Variants in EYS observed in about 807,000 individuals in gnomAD.
EYS encodes protein eyes shut homolog.
Under a neutral mutation model 282.1 loss-of-function variants are expected in EYS, and 250 were observed. The ratio of observed to expected loss-of-function variants is 0.89; its 90% confidence interval spans 0.80 to 0.98. The LOEUF is 0.98. Ranked by LOEUF, EYS falls within the 50% of genes least tolerant of loss-of-function variation. EYS has a pLI of 0.00. For synonymous variants in EYS, 1,355 were observed against 1,282.9 expected, an observed-to-expected ratio of 1.06 and a Z score of -1.20; for missense variants, 4,016 against 3,709.0, an observed-to-expected ratio of 1.08 and a Z score of -2.15.
At chr6:64,972,600 C>A (rs1770332832) in intron 14 of EYS, among the ~76,000 whole-genome samples, 2 of 152,172 alleles carry the variant, frequency 1.3e-5, no homozygotes, top group Middle Eastern at 3.4e-3. Flanking sequence ...GATATATTTT[C>A]TCTTCCTTAT....
chr6:65,426,499 A>C (rs1767669667), intron 5 of EYS, among the ~76,000 whole-genome samples: 1 of 152,154 alleles, frequency 6.6e-6, no homozygotes, highest in South Asian at 2.1e-4. Flanking sequence ...CAATGTGGTA[A>C]AATGTCTGCT....
intron 31 of EYS, among the ~76,000 whole-genome samples, chr6:64,097,180 A>G (rs774414629): frequency 5.3e-5 from 8 of 152,108 alleles, no homozygotes; most frequent in Admixed American, 1.3e-4. Flanking sequence ...GTGCCTCCCA[A>G]TTAGGCTACT....
chr6:63,964,430 C>T (rs1190223770), intron 35 of EYS, among the ~76,000 whole-genome samples: 1 of 152,178 alleles, frequency 6.6e-6, no homozygotes, highest in African/African-American at 2.4e-5. Context: ...AAATCACTTG[C>T]TGATTTCCCT....
chr6:64,659,281 C>T (rs1000971285), intron 22 of EYS, among the ~76,000 whole-genome samples: 1 of 152,014 alleles, frequency 6.6e-6, no homozygotes, highest in South Asian at 2.1e-4. Context: ...CAAGAGAAAG[C>T]AGGAAAGATT....
chr6:65,199,646 T>C (rs1342865814), intron 12 of EYS, among the ~76,000 whole-genome samples: 1 of 152,182 alleles, frequency 6.6e-6, no homozygotes, highest in East Asian at 1.9e-4. Flanking sequence ...AACATTATTC[T>C]GTTCAAGAAA....
intron 12 of EYS, among the ~76,000 whole-genome samples, chr6:65,109,673 A>G (rs1775155180): frequency 6.7e-6 from 1 of 149,670 alleles, no homozygotes; most frequent in Non-Finnish European, 1.5e-5. Flanking sequence ...AAAAAAAAAC[A>G]CCTTTTTTTC....
intron 19 of EYS, among the ~76,000 whole-genome samples, chr6:64,861,608 C>A (rs1407238339): frequency 7.9e-5 from 12 of 152,182 alleles, no homozygotes; most frequent in Non-Finnish European, 1.8e-4. Context: ...ACCCTGCCAT[C>A]TCAGAAAAGG....
chr6:65,148,090 C>A (rs112746531), intron 12 of EYS, among the ~76,000 whole-genome samples: 2 of 152,150 alleles, frequency 1.3e-5, no homozygotes, highest in Non-Finnish European at 2.9e-5. Flanking sequence ...CATGTCATTC[C>A]ACCCCCAGCC....
intron 33 of EYS, among the ~76,000 whole-genome samples, chr6:64,013,185 C>T (rs1344089427): frequency 6.6e-6 from 1 of 152,136 alleles, no homozygotes; most frequent in Non-Finnish European, 1.5e-5. Flanking sequence ...TTAAACAGAG[C>T]AGTCGTCAAG....
chr6:65,123,754 C>CA (rs1554157066), intron 12 of EYS, among the ~76,000 whole-genome samples: 83 of 86,946 alleles, frequency 9.5e-4, no homozygotes, highest in African/African-American at 2.8e-3. Flanking sequence ...TAACACCCAC[C>CA]CACCCACACA....
chr6:64,495,414 G>A (rs149001652), intron 26 of EYS, among the ~76,000 whole-genome samples: 16 of 151,928 alleles, frequency 1.1e-4, no homozygotes, highest in African/African-American at 3.9e-4. Context: ...TCAATAGCCA[G>A]GAAAGTTGGT....
chr6:64,547,450 G>T (rs1238585105), intron 26 of EYS, among the ~76,000 whole-genome samples: 3 of 152,112 alleles, frequency 2.0e-5, no homozygotes, highest in Non-Finnish European at 4.4e-5. Context: ...ACAGAGTGTT[G>T]ACGCAAAGGT....
chr6:64,090,949 T>G (rs1772337034), intron 31 of EYS, among the ~76,000 whole-genome samples: 1 of 152,120 alleles, frequency 6.6e-6, no homozygotes. Context: ...AAATTTGAAT[T>G]TATTCTGTTT....
chr6:64,327,620 C>T (rs111929323), intron 29 of EYS, among the ~76,000 whole-genome samples: 2,015 of 152,206 alleles, frequency 0.013, 44 homozygotes, highest in African/African-American at 0.046. Context: ...CAAAACCACC[C>T]TAAGTGGCTG....
chr6:64,846,846 G>C (rs1765731359), intron 19 of EYS, among the ~76,000 whole-genome samples: 1 of 152,008 alleles, frequency 6.6e-6, no homozygotes, highest in Non-Finnish European at 1.5e-5. Context: ...TACTCAAAAA[G>C]TAAAATAAGG....
chr6:65,190,694 T>C (rs1217247496), intron 12 of EYS, among the ~76,000 whole-genome samples: 1 of 151,776 alleles, frequency 6.6e-6, no homozygotes, highest in Non-Finnish European at 1.5e-5. Context: ...CTAGTGTGTT[T>C]GTTAGAGCTT....
At chr6:64,390,905 T>C (rs2150427102) in intron 28 of EYS, among the ~76,000 whole-genome samples, 1 of 147,172 alleles carries the variant, frequency 6.8e-6, no homozygotes, top group East Asian at 2.0e-4. Context: ...ATAACTAGAA[T>C]AACCAATACA....
chr6:64,763,006 A>T (rs1773210583), intron 22 of EYS, among the ~76,000 whole-genome samples: 1 of 152,228 alleles, frequency 6.6e-6, no homozygotes, highest in Non-Finnish European at 1.5e-5. Context: ...CTGTAAAACC[A>T]AACTTTCTGA....
At chr6:64,705,734 A>C (rs1179658430) in intron 22 of EYS, among the ~76,000 whole-genome samples, 1 of 149,950 alleles carries the variant, frequency 6.7e-6, no homozygotes, top group East Asian at 2.0e-4. Context: ...AGAACAAAAA[A>C]CCAAACACCG....
Sources: gnomAD v4.1 joint callset for allele counts (sites outside exome capture counted in the v4.1 genomes callset) on GRCh38, gnomAD v4.1.1 for gene constraint, MANE v1.5 for transcripts, NCBI Gene and HGNC (gene_info 2026-07-23, HGNC 2026-07-21) for gene names.